Variants in GPD2 observed in about 807,000 individuals in gnomAD.
GPD2 encodes the protein glycerol-3-phosphate dehydrogenase 2, also known as glycerol-3-phosphate dehydrogenase, mitochondrial.
A neutral mutation model predicts 82.4 loss-of-function variants in GPD2; 54 were observed. That is an observed-to-expected ratio of 0.66 (90% CI 0.53 to 0.82). The LOEUF (loss-of-function observed/expected upper bound fraction) is 0.82, where lower values mean the gene tolerates loss of function less well. Among genes scored for constraint, GPD2 ranks in the 40% least tolerant of loss-of-function variants. GPD2 has a pLI of 0.00. For synonymous variants in GPD2, 288 were observed against 306.1 expected (o/e 0.94, Z 0.62); for missense variants, 748 against 896.2 (o/e 0.83, Z 2.11).
At chr2:156,581,536 T>G (rs543961538) in intron 16 of GPD2, among the ~76,000 whole-genome samples, 1 of 152,268 alleles carries the variant, frequency 6.6e-6, no homozygotes, top group South Asian at 2.1e-4. Flanking sequence ...GTTACATCAT[T>G]CCTCAGATGT....
intron 1 of GPD2, chr2:156,473,600 C>G (rs566739241): frequency 6.6e-6 from 1 of 152,176 alleles, no homozygotes; most frequent in South Asian, 2.1e-4. Context: ...CTAGGGACCA[C>G]CACACTGCTA....
chr2:156,405,150 G>T, the GPD2 span, among the ~76,000 whole-genome samples: 1 of 152,188 alleles, frequency 6.6e-6, no homozygotes, highest in Admixed American at 6.5e-5. Flanking sequence ...AGCATGAGGT[G>T]CATGGCAAGA....
Position 156,496,210 on chromosome 2 carries a change from C to T in GPD2, c.269C>T (p.Thr90Ile). 1 of 1,601,572 alleles carries T rather than the reference C, an allele frequency of 6.2e-7. No individual in the cohort carries two copies. Among genetic ancestry groups the T allele is most frequent in the Non-Finnish European group, 8.6e-7 (1 of 1,169,004 alleles). Residue 90 changes from threonine (T) to isoleucine (I), a missense_variant, in exon 3 of 17, where the codon ACC becomes ATC. Physicochemically the swap from Thr to Ile is moderately conservative, Grantham distance 89 (BLOSUM62 -1). This residue lies in a region of GPD2 where 692 missense variants were observed against 809.7 expected (regional missense o/e 0.85). Transcript: ENST00000438166. ...AGTGGCTGTGCGCTAGATGCTGTCA[C>T]CAGAGGTAAGTCTTTTTTTTTTTTA... is the stretch of plus-strand genomic sequence containing the variant. ...TGSGCALDAV[T>I]RGLKTALVER...
the GPD2 span, among the ~76,000 whole-genome samples, chr2:156,400,767 T>G: frequency 6.6e-6 from 1 of 152,192 alleles, no homozygotes; most frequent in Non-Finnish European, 1.5e-5. Context: ...TGCTTTCGGC[T>G]GGGGGATGTA....
At chr2:156,541,654 C>T (rs903822699) in intron 6 of GPD2, among the ~76,000 whole-genome samples, 4 of 152,096 alleles carry the variant, frequency 2.6e-5, no homozygotes, top group African/African-American at 9.7e-5. Flanking sequence ...GAATTTAGTG[C>T]ATTTCACAAA....
chr2:156,464,214 G>A (rs1683079745), intron 1 of GPD2, among the ~76,000 whole-genome samples: 1 of 152,162 alleles, frequency 6.6e-6, no homozygotes, highest in South Asian at 2.1e-4. Flanking sequence ...AATTTTGTTA[G>A]CAGTATGAAT....
chr2:156,471,184 T>C (rs1423091751), intron 1 of GPD2, among the ~76,000 whole-genome samples: 1 of 152,228 alleles, frequency 6.6e-6, no homozygotes, highest in African/African-American at 2.4e-5. Flanking sequence ...TCAGGTCTTG[T>C]CATGCTGTCT....
intron 2 of GPD2, among the ~76,000 whole-genome samples, chr2:156,488,170 C>T (rs1051003144): frequency 5.9e-5 from 9 of 151,952 alleles, no homozygotes; most frequent in Admixed American, 4.6e-4. Flanking sequence ...AATCCCTCAC[C>T]GAATATGTTT....
intron 6 of GPD2, among the ~76,000 whole-genome samples, chr2:156,518,168 A>G (rs548049637): frequency 6.6e-6 from 1 of 152,326 alleles, no homozygotes; most frequent in Non-Finnish European, 1.5e-5. Flanking sequence ...CAGCATACAA[A>G]TAGATGAATT....
chr2:156,406,931 G>A, the GPD2 span, among the ~76,000 whole-genome samples: 1 of 152,138 alleles, frequency 6.6e-6, no homozygotes, highest in Admixed American at 6.6e-5. Context: ...AGTATGCCTA[G>A]CCTGGCACAG....
At chr2:156,572,844 C>G in intron 13 of GPD2, among the ~76,000 whole-genome samples, 1 of 152,094 alleles carries the variant, frequency 6.6e-6, no homozygotes, top group Non-Finnish European at 1.5e-5. Context: ...ACAGAAATAC[C>G]ATAGACTGGG....
intron 11 of GPD2, 118 bp from the exon 12 acceptor site, chr2:156,569,965 TCCGA>T: frequency 1.2e-6 from 1 of 850,606 alleles, no homozygotes; most frequent in East Asian, 2.6e-5. Context: ...TATAATACTC[TCCGA>T]GAGCTATTAG....
chr2:156,551,256 A>G (rs911688786), intron 8 of GPD2, among the ~76,000 whole-genome samples: 5 of 152,226 alleles, frequency 3.3e-5, no homozygotes, highest in African/African-American at 1.2e-4. Context: ...CAAATTAACA[A>G]AGATAATTGA....
upstream of GPD2, chr2:156,435,610 T>G (rs1433509432): frequency 3.3e-5 from 5 of 152,218 alleles, no homozygotes; most frequent in Non-Finnish European, 5.9e-5. Flanking sequence ...GCGCTGACAT[T>G]CAGGCGGGGA....
At chr2:156,415,682 C>T in the GPD2 span, among the ~76,000 whole-genome samples, 8 of 151,684 alleles carry the variant, frequency 5.3e-5, no homozygotes, top group Non-Finnish European at 1.2e-4. Context: ...GTGGAAAAAC[C>T]CCGTCTCTAA....
intron 10 of GPD2, 54 bp from the exon 11 acceptor site, chr2:156,569,309 A>T: frequency 8.4e-7 from 1 of 1,189,114 alleles, no homozygotes; most frequent in South Asian, 1.2e-5. Context: ...ATGGTTAATT[A>T]TAAGAAAAAT....
chr2:156,410,429 T>C, the GPD2 span, among the ~76,000 whole-genome samples: 1 of 152,240 alleles, frequency 6.6e-6, no homozygotes, highest in African/African-American at 2.4e-5. Flanking sequence ...ATTTTCACAT[T>C]CAATCCTATA....
At chr2:156,432,613 G>A (rs1313803823), upstream of GPD2, among the ~76,000 whole-genome samples, 1 of 152,040 alleles carries the variant, frequency 6.6e-6, no homozygotes, top group East Asian at 1.9e-4. Context: ...TCTTTTTTAG[G>A]GCTGTGCATT....
intron 1 of GPD2, among the ~76,000 whole-genome samples, chr2:156,449,375 C>A (rs923601331): frequency 6.6e-6 from 1 of 152,046 alleles, no homozygotes; most frequent in Admixed American, 6.6e-5. Context: ...AGTAGTCTTT[C>A]TTAATTTCTT....
Sources: allele counts gnomAD v4.1 joint callset (sites outside exome capture counted in the v4.1 genomes callset), GRCh38; gene constraint gnomAD v4.1.1; regional missense constraint gnomAD v4.1.1; transcripts MANE v1.5; gene names NCBI Gene and HGNC (gene_info 2026-07-23, HGNC 2026-07-21).